Variants in PPP1R21 observed in about 807,000 individuals in gnomAD.
PPP1R21 encodes the protein KLRAQ motif containing 1.
PPP1R21 carries 85 observed loss-of-function variants against 112.8 expected under a neutral mutation model. The ratio of observed to expected loss-of-function variants is 0.75; its 90% CI spans 0.63 to 0.90. PPP1R21 has a LOEUF of 0.90. Among genes scored for constraint, PPP1R21 ranks in the 40% least tolerant of loss-of-function variants. The pLI is 0.00. For synonymous variants in PPP1R21, 381 were observed against 322.3 expected (o/e 1.18, Z -1.95); for missense variants, 1,199 against 901.5 (o/e 1.33, Z -4.23).
At chr2:48,497,776 C>G (rs576618689) in intron 16 of PPP1R21, among the ~76,000 whole-genome samples, 1 of 151,838 alleles carries the variant, frequency 6.6e-6, no homozygotes, top group East Asian at 1.9e-4. Context: ...CTCAGCCTCC[C>G]GAGTAGCTGG....
At chr2:48,512,132 T>C (rs1468640980) in intron 21 of PPP1R21, among the ~76,000 whole-genome samples, 1 of 152,232 alleles carries the variant, frequency 6.6e-6, no homozygotes, top group Non-Finnish European at 1.5e-5. Context: ...GAAGAGTAAA[T>C]GTTAGAAAAT....
rs537986901 is a variant in PPP1R21 at position 48,495,566 on chromosome 2, A to C, written c.1600-113A>C. ...GTATTAAAGAAAATAGTCTGCTTTG[A>C]CATACATCTGAATTTATTGTCACAC... On this transcript the variant is annotated intron_variant, in intron 15 of 21. Transcript: ENST00000294952. The C allele has an allele frequency of 7.7e-6, 5 of 650,732 alleles. No individual in the cohort carries two copies. In the African/African-American group the frequency reaches 9.0e-5, roughly 12 times the overall value. 40.3% of individuals were successfully genotyped at this position (650,732 alleles called of 1,614,324 possible).
At chr2:48,493,033 T>TTTG in intron 15 of PPP1R21, among the ~76,000 whole-genome samples, 1 of 148,480 alleles carries the variant, frequency 6.7e-6, no homozygotes, top group Non-Finnish European at 1.5e-5. Context: ...TTTTTTTTTT[T>TTTG]TGAGACGGAG....
At chr2:48,499,076 C>G (rs1043490756) in intron 17 of PPP1R21, among the ~76,000 whole-genome samples, 3 of 150,484 alleles carry the variant, frequency 2.0e-5, no homozygotes, top group Admixed American at 6.6e-5. Context: ...CCCAAAAGCC[C>G]TACCTCCTAA....
chr2:48,483,914 C>G (rs900762816), intron 13 of PPP1R21, among the ~76,000 whole-genome samples: 3 of 152,036 alleles, frequency 2.0e-5, no homozygotes, highest in African/African-American at 7.2e-5. Context: ...TCTCAAACTC[C>G]TGGACTCAAG....
chr2:48,442,826 C>G (rs140499975), intron 1 of PPP1R21, among the ~76,000 whole-genome samples: 1,948 of 152,098 alleles, frequency 0.013, 18 homozygotes, highest in Middle Eastern at 0.044. Flanking sequence ...AATTTGGACC[C>G]TATTATGAAA....
rs370083403 is a variant in PPP1R21 at position 48,503,934 on chromosome 2, A to G, written c.1936-1630A>G. 7.5e-5 allele frequency among the ~76,000 whole-genome samples: 11 copies of G among 146,338 alleles called. No individual in the cohort carries two copies. In the East Asian group the frequency reaches 1.6e-3, roughly 21 times the overall value. On this transcript the variant is annotated intron_variant, in intron 17 of 21. Coordinates refer to ENST00000294952, the MANE Select transcript of PPP1R21 (RefSeq NM_001135629.3). ...CACCATTGCACTCCAGCCTGGGCAA[A>G]AGGGCGAGACTATGTCTCAAAAAAA... is the stretch of plus-strand genomic sequence containing the variant.
chr2:48,459,960 T>G, intron 5 of PPP1R21, 42 bp downstream of exon 5: 3 of 1,598,942 alleles, frequency 1.9e-6, no homozygotes, highest in Non-Finnish European at 2.6e-6. Context: ...TAGTTACAGC[T>G]TTTGTATTAA....
At chr2:48,489,827 C>T (rs867512135) in intron 14 of PPP1R21, among the ~76,000 whole-genome samples, 39 of 151,202 alleles carry the variant, frequency 2.6e-4, no homozygotes, top group Admixed American at 1.1e-3. Flanking sequence ...GGGAGGATCA[C>T]GAGGTCAGGA....
chr2:48,503,628 A>G (rs1166904390), intron 17 of PPP1R21, among the ~76,000 whole-genome samples: 1 of 152,190 alleles, frequency 6.6e-6, no homozygotes, highest in Non-Finnish European at 1.5e-5. Context: ...CATATGAGAA[A>G]ATGTTAAAGT....
In PPP1R21 at chr2:48,440,815, G is replaced by A. The variant is rs1046151135; in HGVS notation, c.-139G>A. 2.1e-5 allele frequency: 9 copies of A among 424,034 alleles called. No individual in the cohort carries two copies. The highest frequency in any genetic ancestry group is 1.1e-3 in the Middle Eastern group (2 of 1,740). 26.3% of individuals were successfully genotyped at this position (424,034 alleles called of 1,614,324 possible). A position where few individuals can be genotyped will look rare whatever the true frequency, so the allele number is the denominator to read the frequency against. On this transcript the variant is annotated 5_prime_UTR_variant, in exon 1 of 22. Coordinates refer to ENST00000294952, the MANE Select transcript of PPP1R21 (RefSeq NM_001135629.3). Reference sequence around the variant, plus strand: ...AACCCGGAAGTGGAGGAGGAGGCGCGGCGGCGGCGGCGGCGGCGGCTGCGG... The same window carrying A: ...AACCCGGAAGTGGAGGAGGAGGCGCAGCGGCGGCGGCGGCGGCGGCTGCGG...
At chr2:48,457,898 T>C in intron 3 of PPP1R21, 1 of 459,840 alleles carries the variant, frequency 2.2e-6, no homozygotes. Flanking sequence ...CCTTATCTGT[T>C]CTTTTCTCTC....
intron 1 of PPP1R21, among the ~76,000 whole-genome samples, chr2:48,442,158 G>A (rs898163138): frequency 2.6e-5 from 4 of 152,204 alleles, no homozygotes; most frequent in African/African-American, 9.7e-5. Flanking sequence ...TTTTGAAGGA[G>A]TGTTTCCTTG....
chr2:48,444,541 G>A lies in PPP1R21; in HGVS notation c.57+3531G>A, dbSNP rs113664626. Among the ~76,000 whole-genome samples the A allele has an allele frequency of 2.8e-3, 430 of 152,314 alleles. 5 individuals carry two copies. Among genetic ancestry groups the A allele is most frequent in the African/African-American group, 9.8e-3 (408 of 41,574 alleles). On this transcript the variant is annotated intron_variant, in intron 1 of 21. Transcript: ENST00000294952. ...TGATTTTAGCCTGCTTTCTTTGCGG[G>A]AGCACTCTTGCCTGGCACCGTGGTG...
chr2:48,446,873 C>T (rs369990590), intron 1 of PPP1R21, among the ~76,000 whole-genome samples: 2 of 152,174 alleles, frequency 1.3e-5, no homozygotes, highest in African/African-American at 4.8e-5. Context: ...GCCTCAGCCT[C>T]CTGAGTAGCT....
chr2:48,463,160 A>G (rs143181967), intron 7 of PPP1R21, among the ~76,000 whole-genome samples: 4 of 152,330 alleles, frequency 2.6e-5, no homozygotes, highest in South Asian at 4.1e-4. Context: ...TGTCAACACT[A>G]TTGGGCTGGA....
intron 21 of PPP1R21, among the ~76,000 whole-genome samples, chr2:48,514,307 C>T (rs1031470058): frequency 8.6e-5 from 13 of 151,930 alleles, no homozygotes; most frequent in Non-Finnish European, 1.6e-4. Context: ...GGGATGGTCT[C>T]GATCTCCTGA....
rs535337008 is a variant in PPP1R21, at chr2:48,489,106, A to G, written c.1447-1912A>G. ...ACCATTAGTGATTAACTTTTGACCAATTTTTGCCAAAGTAGAATACTCTGT... is the reference window on the plus strand; with the variant it reads ...ACCATTAGTGATTAACTTTTGACCAGTTTTTGCCAAAGTAGAATACTCTGT... On this transcript the variant is annotated intron_variant, in intron 14 of 21. Transcript: ENST00000294952. 5.3e-5 allele frequency among the ~76,000 whole-genome samples: 8 copies of G among 152,326 alleles called. No individual in the cohort carries two copies. The East Asian group carries it at 9.6e-4, about 18-fold the overall frequency.
intron 2 of PPP1R21, 133 bp from the exon 3 acceptor site, chr2:48,454,462 A>G: frequency 9.9e-7 from 1 of 1,014,024 alleles, no homozygotes; most frequent in East Asian, 2.6e-5. Flanking sequence ...AACTGAAGTG[A>G]TACACATACA....
Sources: allele counts gnomAD v4.1 joint callset (sites outside exome capture counted in the v4.1 genomes callset), GRCh38; gene constraint gnomAD v4.1.1; transcripts MANE v1.5; gene names NCBI Gene and HGNC (gene_info 2026-07-23, HGNC 2026-07-21).